Variants in SPRR5 observed in about 807,000 individuals in gnomAD.
The protein encoded by SPRR5 is small proline-rich protein 5.
chr1:152,947,696 C>A lies in SPRR5; in HGVS notation c.-19+448C>A, dbSNP rs76836660. ...GGAGCAAAGGGCTGCAGGGACAAGA[C>A]GATGTGGCACCATGGAAGGCTCTGC... On this transcript the variant is annotated intron_variant, in intron 1 of 1. Coordinates refer to ENST00000636302, the Ensembl canonical transcript of SPRR5. Among the ~76,000 whole-genome samples the A allele has an allele frequency of 2.6e-5, 4 of 152,232 alleles. No homozygotes were observed. The East Asian group carries it at 7.7e-4, about 29-fold the overall frequency.
At chr1:152,948,458 A>C in intron 1 of SPRR5, 79 bp from the exon 2 acceptor site, 1 of 221,128 alleles carries the variant, frequency 4.5e-6, no homozygotes, top group Admixed American at 5.7e-5. Flanking sequence ...CAGGACAGGA[A>C]TGTGGCAGGG....
intron 1 of SPRR5, 26 bp downstream of exon 1, chr1:152,947,274 T>C (rs1651084021): frequency 6.6e-6 from 1 of 152,270 alleles, no homozygotes; most frequent in Admixed American, 6.5e-5. Context: ...TAGTACCTCT[T>C]ATAGCAGCCT....
chr1:152,947,495 G>A (rs980364079), intron 1 of SPRR5, among the ~76,000 whole-genome samples: 1 of 152,166 alleles, frequency 6.6e-6, no homozygotes, highest in Non-Finnish European at 1.5e-5. Flanking sequence ...GTATCTCAGC[G>A]ATGCTGCTGG....
chr1:152,947,758 GCC>G (rs1651095233), intron 1 of SPRR5, among the ~76,000 whole-genome samples: 1 of 152,168 alleles, frequency 6.6e-6, no homozygotes, highest in Non-Finnish European at 1.5e-5. Flanking sequence ...CACCATCTAT[GCC>G]GAGTGGCTTT....
At chr1:152,948,895 G>T in exon 2 of SPRR5, 1 of 222,346 alleles carries the variant, frequency 4.5e-6, no homozygotes, top group South Asian at 1.8e-4. Context: ...CTGGGCATGT[G>T]ATCAGAGGCG....
At chr1:152,948,910 C>G in exon 2 of SPRR5, 1 of 218,030 alleles carries the variant, frequency 4.6e-6, no homozygotes, top group Non-Finnish European at 9.1e-6. Flanking sequence ...GAGGCGAACC[C>G]CCAGGAAAAA....
chr1:152,947,461 A>T (rs1651087838), intron 1 of SPRR5, among the ~76,000 whole-genome samples: 2 of 152,046 alleles, frequency 1.3e-5, no homozygotes, highest in South Asian at 4.1e-4. Flanking sequence ...AGGGAGAAGG[A>T]GGGGGGTATC....
chr1:152,948,151 C>G (rs1193727375), intron 1 of SPRR5, among the ~76,000 whole-genome samples: 1 of 152,126 alleles, frequency 6.6e-6, no homozygotes, highest in African/African-American at 2.4e-5. Context: ...GCAATTTATT[C>G]CAGATGCCAC....
At chr1:152,948,775 C>G (rs570981035) in exon 2 of SPRR5, 2 of 191,052 alleles carry the variant, frequency 1.0e-5, no homozygotes, top group Non-Finnish European at 2.0e-5. Flanking sequence ...TACTGCCCCC[C>G]ACCCCAACAG....
intron 1 of SPRR5, 69 bp from the exon 2 acceptor site, chr1:152,948,468 G>C (rs1651119029): frequency 4.0e-6 from 1 of 250,372 alleles, no homozygotes; most frequent in Non-Finnish European, 7.8e-6. Context: ...ATGTGGCAGG[G>C]GGTTCACCTG....
At chr1:152,948,502 A>G in intron 1 of SPRR5, 35 bp from the exon 2 acceptor site, 1 of 302,818 alleles carries the variant, frequency 3.3e-6, no homozygotes. Flanking sequence ...TCTATGGCTC[A>G]AGTGTTCCTC....
chr1:152,948,521 G>T lies in SPRR5; in HGVS notation c.-18-16G>T, dbSNP rs1362441787. On this transcript the variant is annotated splice_polypyrimidine_tract_variant and intron_variant, in intron 1 of 1. Transcript: ENST00000636302. ...TGGCTCAAGTGTTCCTCATTTCTGT[G>T]TCTTTCTGTTTCCAGTTGCAAGTCC... is the stretch of plus-strand genomic sequence containing the variant. 6.3e-6 allele frequency: 2 copies of T among 316,082 alleles called. No homozygotes were observed. The highest frequency in any genetic ancestry group is 5.0e-5 in the Admixed American group (1 of 20,012). 19.6% of individuals were successfully genotyped at this position (316,082 alleles called of 1,614,324 possible).
chr1:152,948,363 T>A lies in SPRR5; in HGVS notation c.-18-174T>A, dbSNP rs59227896. ...AAGAGTTGAAATAACTTGTAAACAC[T>A]TAAAGTTTACACATGCGCGCGCGCA... On this transcript the variant is annotated intron_variant, in intron 1 of 1. Coordinates refer to ENST00000636302, the Ensembl canonical transcript of SPRR5. Among the ~76,000 whole-genome samples the A allele has an allele frequency of 2.5e-3, 368 of 148,362 alleles. 3 individuals are homozygous for A. Among genetic ancestry groups the A allele is most frequent in the African/African-American group, 9.3e-3 (352 of 37,922 alleles).
At chr1:152,949,149 T>G (rs906317662) in exon 2 of SPRR5, 1 of 152,176 alleles carries the variant, frequency 6.6e-6, no homozygotes, top group Non-Finnish European at 1.5e-5. Flanking sequence ...CTGACATGCA[T>G]CTACATTGCC....
At chr1:152,948,210 T>C (rs898507172) in intron 1 of SPRR5, among the ~76,000 whole-genome samples, 1 of 151,480 alleles carries the variant, frequency 6.6e-6, no homozygotes, top group Non-Finnish European at 1.5e-5. Context: ...ATTCTTCCTC[T>C]TTTTTTTCCT....
chr1:152,948,101 A>T (rs192812790), intron 1 of SPRR5, among the ~76,000 whole-genome samples: 1 of 152,334 alleles, frequency 6.6e-6, no homozygotes, highest in East Asian at 1.9e-4. Flanking sequence ...GCTCAAAATC[A>T]TATAGTTAAT....
At chr1:152,948,226 T>C (rs187125515) in intron 1 of SPRR5, among the ~76,000 whole-genome samples, 43 of 152,028 alleles carry the variant, frequency 2.8e-4, no homozygotes, top group African/African-American at 8.0e-4. Flanking sequence ...TTCCTCTCTC[T>C]CCCTTTTCTT....
At chr1:152,947,405 G>A (rs1651086362) in intron 1 of SPRR5, among the ~76,000 whole-genome samples, 157 bp downstream of exon 1, 1 of 152,108 alleles carries the variant, frequency 6.6e-6, no homozygotes, top group Non-Finnish European at 1.5e-5. Flanking sequence ...CCTATCTTGG[G>A]TCCAGCAAGT....
chr1:152,947,606 GA>G (rs1335734604), intron 1 of SPRR5, among the ~76,000 whole-genome samples: 1 of 152,172 alleles, frequency 6.6e-6, no homozygotes, highest in Non-Finnish European at 1.5e-5. Context: ...TCCTTTCAAA[GA>G]AAAGAGAAGG....
Sources: gnomAD v4.1 joint callset for allele counts (sites outside exome capture counted in the v4.1 genomes callset) on GRCh38, gnomAD v4.1.1 for gene constraint, MANE v1.5 for transcripts, NCBI Gene and HGNC (gene_info 2026-07-23, HGNC 2026-07-21) for gene names.